The following TTC39B variants were observed in gnomAD, a reference collection of about 807,000 sequenced individuals.
The protein encoded by TTC39B is tetratricopeptide repeat protein 39B.
TTC39B carries 92 observed loss-of-function variants against 96.6 expected under a neutral mutation model. The observed-to-expected ratio is 0.95, with a 90% CI of 0.80 to 1.13. The LOEUF is 1.13. TTC39B is among the 50% of genes most tolerant of loss of function. TTC39B has a pLI of 0.00. For synonymous variants in TTC39B, 367 were observed against 299.4 expected, an observed-to-expected ratio of 1.23 and a Z score of -2.33; for missense variants, 955 against 809.3, an observed-to-expected ratio of 1.18 and a Z score of -2.18.
chr9:15,291,823 G>A (rs577596893), intron 1 of TTC39B, among the ~76,000 whole-genome samples: 47 of 152,140 alleles, frequency 3.1e-4, no homozygotes, highest in Non-Finnish European at 4.9e-4. Flanking sequence ...CAAGGCATGC[G>A]GGAAAGAGGA....
At chr9:15,241,098 A>T (rs377213973) in intron 2 of TTC39B, among the ~76,000 whole-genome samples, 66 of 152,316 alleles carry the variant, frequency 4.3e-4, no homozygotes, top group African/African-American at 1.5e-3. Flanking sequence ...GATGAGAAAA[A>T]TGTAGCACAT....
At chr9:15,175,743 TG>T (rs1389558697) in intron 18 of TTC39B, among the ~76,000 whole-genome samples, 1 of 152,084 alleles carries the variant, frequency 6.6e-6, no homozygotes, top group African/African-American at 2.4e-5. Flanking sequence ...TCTACATATG[TG>T]GGATGATGCT....
At chr9:15,235,023 C>CAATAAATAAATAAATAAATAAATA (rs57091203) in intron 2 of TTC39B, among the ~76,000 whole-genome samples, 220 of 145,118 alleles carry the variant, frequency 1.5e-3, no homozygotes, top group South Asian at 3.1e-3. Context: ...CAAGAATGAT[C>CAATAAATAAATAAATAAATAAATA]AATAAATAAA....
rs912823700 is a variant in TTC39B, at chr9:15,188,193, T to C, written c.1234-61A>G. The C allele has an allele frequency of 1.7e-5, 25 of 1,488,994 alleles. No homozygotes were observed. The African/African-American group carries it at 3.4e-4, about 20-fold the overall frequency. 92.2% of individuals were successfully genotyped at this position (1,488,994 alleles called of 1,614,324 possible). A position where few individuals can be genotyped will look rare whatever the true frequency, so the allele number is the denominator to read the frequency against. ...ATTAGACAAGGAGATAATAACCTAA[T>C]GGAAAAATACATAAAACACTTAGTA... is the stretch of plus-strand genomic sequence containing the variant. On this transcript the variant is annotated intron_variant, in intron 13 of 19. Transcript: ENST00000512701.
chr9:15,283,287 AT>A (rs1267346235), intron 1 of TTC39B, among the ~76,000 whole-genome samples: 1 of 152,262 alleles, frequency 6.6e-6, no homozygotes, highest in Non-Finnish European at 1.5e-5. Flanking sequence ...ATGCAAGGCT[AT>A]TCTGATTAAT....
chr9:15,234,450 T>G (rs1309328193), intron 2 of TTC39B, among the ~76,000 whole-genome samples: 1 of 149,292 alleles, frequency 6.7e-6, no homozygotes, highest in African/African-American at 2.5e-5. Context: ...GTCTGGGAGG[T>G]GAGGGGCGCC....
intron 1 of TTC39B, among the ~76,000 whole-genome samples, chr9:15,289,336 C>G (rs1323642085): frequency 6.6e-6 from 1 of 152,218 alleles, no homozygotes; most frequent in Non-Finnish European, 1.5e-5. Flanking sequence ...CTGTAAAACT[C>G]TAGTCATATG....
chr9:15,223,842 A>C (rs1820978636), intron 3 of TTC39B, among the ~76,000 whole-genome samples: 1 of 145,756 alleles, frequency 6.9e-6, no homozygotes, highest in Admixed American at 6.8e-5. Flanking sequence ...ATGACACTCA[A>C]AAAAAAAAAA....
intron 5 of TTC39B, among the ~76,000 whole-genome samples, chr9:15,210,635 C>T (rs960041767): frequency 6.6e-6 from 1 of 152,166 alleles, no homozygotes; most frequent in African/African-American, 2.4e-5. Context: ...AAGCAATTGA[C>T]AGCAACAGGG....
intron 5 of TTC39B, among the ~76,000 whole-genome samples, chr9:15,210,882 T>C (rs1269991516): frequency 6.6e-6 from 1 of 152,136 alleles, no homozygotes; most frequent in African/African-American, 2.4e-5. Context: ...AACAAAAGTG[T>C]TCAAAAACAG....
intron 2 of TTC39B, among the ~76,000 whole-genome samples, chr9:15,233,404 G>C (rs888282016): frequency 3.9e-5 from 6 of 152,090 alleles, no homozygotes; most frequent in African/African-American, 7.2e-5. Flanking sequence ...CTCTGATGCC[G>C]AGCCGAAGCT....
intron 2 of TTC39B, chr9:15,232,290 T>C (rs943678719): frequency 6.5e-6 from 1 of 152,720 alleles, no homozygotes; most frequent in African/African-American, 2.4e-5. Flanking sequence ...CGCAGGGCCT[T>C]AGAAGCGAAC....
intron 12 of TTC39B, 33 bp from the exon 13 acceptor site, chr9:15,189,666 C>T: frequency 6.2e-7 from 1 of 1,614,066 alleles, no homozygotes; most frequent in Non-Finnish European, 8.5e-7. Flanking sequence ...CACTGTTCAA[C>T]AGTCAACACT....
intron 2 of TTC39B, among the ~76,000 whole-genome samples, chr9:15,240,984 G>A (rs768622350): frequency 6.6e-5 from 10 of 152,002 alleles, no homozygotes; most frequent in African/African-American, 2.4e-4. Context: ...TGCTAAAAAC[G>A]AACAATGATT....
intron 2 of TTC39B, chr9:15,249,889 G>A: frequency 8.1e-7 from 1 of 1,235,054 alleles, no homozygotes; most frequent in Non-Finnish European, 1.0e-6. Flanking sequence ...ATAAACCCAG[G>A]AACTGCTAAA....
intron 2 of TTC39B, among the ~76,000 whole-genome samples, chr9:15,238,575 G>A (rs1051626141): frequency 6.6e-6 from 1 of 152,156 alleles, no homozygotes; most frequent in Admixed American, 6.5e-5. Context: ...TTTAACCAAG[G>A]AGGTAAAAGA....
chr9:15,263,724 AT>A (rs1277407203), intron 2 of TTC39B, among the ~76,000 whole-genome samples: 1 of 152,166 alleles, frequency 6.6e-6, no homozygotes, highest in African/African-American at 2.4e-5. Context: ...CTGCTACAAG[AT>A]TCTTCGTGTA....
At position 15,172,516 on chromosome 9, in the gene TTC39B, G is replaced by T. The variant is rs115732328; in HGVS notation, c.1959-407C>A. 7.2e-3 allele frequency among the ~76,000 whole-genome samples: 1,091 copies of T among 152,222 alleles called. 17 individuals are homozygous for T. Among genetic ancestry groups the T allele is most frequent in the African/African-American group, 0.025 (1,041 of 41,544 alleles). ...CATGATCACATGATCGATCACTCAA[G>T]AAACTCAAATGAAACAACTGCAACA... On this transcript the variant is annotated intron_variant, in intron 19 of 19. Transcript: ENST00000512701.
chr9:15,217,866 TCA>T (rs1377923331), intron 3 of TTC39B, among the ~76,000 whole-genome samples: 2 of 152,012 alleles, frequency 1.3e-5, no homozygotes, highest in Non-Finnish European at 2.9e-5. Context: ...GGAAATTGGC[TCA>T]CCATACCTGT....
Sources: gnomAD v4.1 joint callset for allele counts (sites outside exome capture counted in the v4.1 genomes callset) on GRCh38, gnomAD v4.1.1 for gene constraint, MANE v1.5 for transcripts, NCBI Gene and HGNC (gene_info 2026-07-23, HGNC 2026-07-21) for gene names.